PKNOX1: variants seen among roughly 807,000 people sequenced by gnomAD.
PKNOX1 encodes the protein homeobox protein PKNOX1.
In PKNOX1, 15 loss-of-function variants were observed where a neutral mutation model predicts 51.9. The ratio of observed to expected loss-of-function variants is 0.29; its 90% confidence interval spans 0.19 to 0.45. The LOEUF is 0.45. Ranked by LOEUF, PKNOX1 falls within the 20% of genes least tolerant of loss-of-function variation. The probability of loss-of-function intolerance (pLI) is 1.00; values close to 1 mark genes in which losing one functional copy is unlikely to be tolerated. For synonymous variants in PKNOX1, 219 were observed against 211.1 expected, an observed-to-expected ratio of 1.04 and a Z score of -0.32; for missense variants, 462 against 547.5, an observed-to-expected ratio of 0.84 and a Z score of 1.56.
In PKNOX1 at chr21:43,029,424, G is replaced by GTTTTTTTTTTTTTTTTTTTTTTTTTTT. The variant is rs138486584; in HGVS notation, c.1100-445_1100-444insTTTTTTTTTTTTTTTTTTTTTTTTTTT. 4.7e-5 allele frequency among the ~76,000 whole-genome samples: 3 copies of GTTTTTTTTTTTTTTTTTTTTTTTTTTT among 63,304 alleles called. 1 individual carries two copies. Among genetic ancestry groups the GTTTTTTTTTTTTTTTTTTTTTTTTTTT allele is most frequent in the African/African-American group, 2.0e-4 (3 of 15,294 alleles). The allele number at this position is 63,304 out of a possible 152,430, so 41.5% of individuals were successfully genotyped here. ...TTATTTTTTTTTATTTGTTTGCTTT[G>GTTTTTTTTTTTTTTTTTTTTTTTTTTT]TTTTTTTTTTTTTTTTTTTTTGAGA... On this transcript the variant is annotated intron_variant, in intron 10 of 10. Transcript: ENST00000291547.
chr21:43,012,023 G>C (rs1979277248), intron 4 of PKNOX1, among the ~76,000 whole-genome samples: 1 of 152,162 alleles, frequency 6.6e-6, no homozygotes, highest in Non-Finnish European at 1.5e-5. Flanking sequence ...CTCTTGACTG[G>C]TGAGTGTTTA....
At chr21:42,987,839 C>T (rs571035833) in intron 1 of PKNOX1, among the ~76,000 whole-genome samples, 42 of 151,962 alleles carry the variant, frequency 2.8e-4, no homozygotes, top group African/African-American at 8.4e-4. Flanking sequence ...AGGATGGTCT[C>T]GATCTCCTGA....
rs202131670 is a variant in PKNOX1, at chr21:43,030,073, T to C, written c.1283T>C (p.Val428Ala). 51 of 1,606,066 alleles carry C rather than the reference T, an allele frequency of 3.2e-5. 2 individuals are homozygous for C. In the South Asian group the frequency reaches 5.0e-4, roughly 16 times the overall value. ...ALAPAHISGL[V>A]LENSDSLQ ...GCCCCTGCCCACATCAGCGGGCTGG[T>C]CTTGGAGAACAGTGACTCCCTGCAG... Residue 428 changes from valine (V) to alanine (A), a missense_variant, in exon 11 of 11, where the codon GTC becomes GCC. Physicochemically the swap from Val to Ala is moderately conservative, Grantham distance 64. Coordinates refer to ENST00000291547, the MANE Select transcript of PKNOX1 (RefSeq NM_004571.5).
intron 1 of PKNOX1, among the ~76,000 whole-genome samples, chr21:42,975,809 A>C (rs1382250070): frequency 1.3e-5 from 2 of 152,230 alleles, no homozygotes; most frequent in African/African-American, 4.8e-5. Flanking sequence ...GCTTTTTAAA[A>C]CAGTAGATGA....
rs374368082 is a variant in PKNOX1 at position 42,983,792 on chromosome 21, A to G, written c.-57+9128A>G. ...ATTTTTCCAAGGACTCAATAAGGAG[A>G]GAGTATCAGTTTACATTCCTACCAA... On this transcript the variant is annotated intron_variant, in intron 1 of 10. Coordinates refer to ENST00000291547, the MANE Select transcript of PKNOX1 (RefSeq NM_004571.5). Among the ~76,000 whole-genome samples, 8 of 152,232 alleles carry G rather than the reference A, an allele frequency of 5.3e-5. No homozygotes were observed. The South Asian group carries it at 6.2e-4, about 12-fold the overall frequency.
intron 7 of PKNOX1, among the ~76,000 whole-genome samples, 179 bp downstream of exon 7, chr21:43,018,409 A>G (rs1398470954): frequency 6.9e-6 from 1 of 144,984 alleles, no homozygotes; most frequent in Admixed American, 7.1e-5. Context: ...ATTGTAGAGA[A>G]TTTGCAAAGT....
intron 1 of PKNOX1, among the ~76,000 whole-genome samples, chr21:42,998,223 A>C (rs955043380): frequency 6.6e-6 from 1 of 152,200 alleles, no homozygotes; most frequent in Admixed American, 6.5e-5. Context: ...GCATGTGTGC[A>C]GGGGAGCTCC....
chr21:42,989,782 T>G (rs996000724), intron 1 of PKNOX1, among the ~76,000 whole-genome samples: 1 of 152,124 alleles, frequency 6.6e-6, no homozygotes, highest in Non-Finnish European at 1.5e-5. Context: ...TAGAGGGATA[T>G]TAACATATCA....
chr21:43,011,262 G>T (rs1339318192), intron 4 of PKNOX1, among the ~76,000 whole-genome samples: 1 of 151,838 alleles, frequency 6.6e-6, no homozygotes, highest in Non-Finnish European at 1.5e-5. Flanking sequence ...GTAGAGACGG[G>T]ATTTCACCGT....
At chr21:42,986,175 A>G (rs768377826) in intron 1 of PKNOX1, among the ~76,000 whole-genome samples, 5 of 152,114 alleles carry the variant, frequency 3.3e-5, no homozygotes, top group Admixed American at 1.3e-4. Flanking sequence ...TGAATATTAC[A>G]CTTCAAATGA....
intron 1 of PKNOX1, among the ~76,000 whole-genome samples, chr21:42,979,165 G>T (rs563686878): frequency 1.3e-5 from 2 of 152,302 alleles, no homozygotes; most frequent in South Asian, 4.2e-4. Context: ...CCGCCTTCCT[G>T]CCTCGTCCTT....
At chr21:42,999,318 C>T (rs1394705067) in intron 1 of PKNOX1, among the ~76,000 whole-genome samples, 1 of 152,204 alleles carries the variant, frequency 6.6e-6, no homozygotes, top group African/African-American at 2.4e-5. Flanking sequence ...CCAGTTTTTC[C>T]TTCTAGGCCT....
intron 1 of PKNOX1, among the ~76,000 whole-genome samples, chr21:42,991,294 C>T (rs1191214509): frequency 6.6e-6 from 1 of 151,222 alleles, no homozygotes; most frequent in East Asian, 1.9e-4. Context: ...CGATACCAGC[C>T]TTGGAAACAG....
intron 1 of PKNOX1, among the ~76,000 whole-genome samples, chr21:42,994,661 C>T (rs1398335099): frequency 6.6e-6 from 1 of 151,820 alleles, no homozygotes; most frequent in Non-Finnish European, 1.5e-5. Flanking sequence ...TTTATTGATC[C>T]ATTTGAAAGT....
Position 43,029,993 on chromosome 21 carries a change from A to C in PKNOX1, c.1203A>C (p.Ala401=), listed in dbSNP as rs759948706. The C allele has an allele frequency of 6.2e-7, 1 of 1,614,066 alleles. No homozygotes were observed. The highest frequency in any genetic ancestry group is 8.5e-7 in the Non-Finnish European group (1 of 1,180,034). The change falls in exon 11 of 11, where the codon GCA becomes GCC. Residue 401 remains alanine (A), a synonymous_variant. Transcript: ENST00000291547. ...TGGCGGTGCAGCAGGTCATGATGGC[A>C]GGGCAGAGCGAGGACGAGTCTGTGG... ...ATLAVQQVMM[A]GQSEDESVDS...
At chr21:42,975,050 G>GGCGGGA (rs1446482950) in intron 1 of PKNOX1, among the ~76,000 whole-genome samples, 2 of 144,758 alleles carry the variant, frequency 1.4e-5, no homozygotes, top group Non-Finnish European at 3.1e-5. Context: ...CCCGGCGCGG[G>GGCGGGA]GCGGGGGCGC....
At chr21:43,023,916 A>AT (rs71332388) in intron 8 of PKNOX1, among the ~76,000 whole-genome samples, 335 of 136,826 alleles carry the variant, frequency 2.4e-3, no homozygotes, top group Middle Eastern at 4.0e-3. Flanking sequence ...ACCTGGCCAG[A>AT]TTTTTTTTTT....
At chr21:42,989,354 C>G (rs1337173172) in intron 1 of PKNOX1, among the ~76,000 whole-genome samples, 2 of 151,992 alleles carry the variant, frequency 1.3e-5, no homozygotes, top group Non-Finnish European at 2.9e-5. Flanking sequence ...GATCTTTTGA[C>G]TGGTCAGGAT....
At chr21:43,006,061 AT>A (rs568845149) in intron 2 of PKNOX1, among the ~76,000 whole-genome samples, 1 of 149,256 alleles carries the variant, frequency 6.7e-6, no homozygotes, top group Non-Finnish European at 1.5e-5. Context: ...TTTCACAATC[AT>A]TTTTTTTTCA....
Sources: allele counts gnomAD v4.1 joint callset (sites outside exome capture counted in the v4.1 genomes callset), GRCh38; gene constraint gnomAD v4.1.1; transcripts MANE v1.5; gene names NCBI Gene and HGNC (gene_info 2026-07-23, HGNC 2026-07-21).